MINDY2: variants seen among roughly 807,000 people sequenced by gnomAD.
The protein encoded by MINDY2 is ubiquitin carboxyl-terminal hydrolase MINDY-2.
A neutral mutation model predicts 68.2 loss-of-function variants in MINDY2; 52 were observed. The observed-to-expected ratio is 0.76, with a 90% confidence interval of 0.61 to 0.96. MINDY2 has a LOEUF of 0.96. Ranked by LOEUF, MINDY2 falls within the 40% of genes least tolerant of loss-of-function variation. MINDY2 has a pLI of 0.00. For missense variants in MINDY2, 881 were observed against 773.4 expected, an observed-to-expected ratio of 1.14 and a Z score of -1.65; for synonymous variants, 372 against 303.0, an observed-to-expected ratio of 1.23 and a Z score of -2.36.
At chr15:58,811,979 A>G (rs1316116070) in intron 4 of MINDY2, among the ~76,000 whole-genome samples, 1 of 152,238 alleles carries the variant, frequency 6.6e-6, no homozygotes, top group Non-Finnish European at 1.5e-5. Flanking sequence ...ATTTCAAAAT[A>G]ATATTAGTTA....
At chr15:58,795,940 G>A (rs761158466) in intron 2 of MINDY2, 6 of 360,976 alleles carry the variant, frequency 1.7e-5, no homozygotes, top group Non-Finnish European at 3.3e-5. Flanking sequence ...ATGAAGTCAA[G>A]AGAGGGTGAA....
At chr15:58,783,109 CG>C in intron 1 of MINDY2, among the ~76,000 whole-genome samples, 1 of 151,620 alleles carries the variant, frequency 6.6e-6, no homozygotes, top group East Asian at 1.9e-4. Flanking sequence ...TTAGTAGAGA[CG>C]GGATTTCACC....
intron 7 of MINDY2, among the ~76,000 whole-genome samples, chr15:58,849,093 C>T (rs1359075636): frequency 6.6e-6 from 1 of 151,872 alleles, no homozygotes. Context: ...ACCTGTAACC[C>T]CAACTACTCG....
At position 58,787,996 on chromosome 15, in the gene MINDY2, T is replaced by G. The variant is rs372947751; in HGVS notation, c.898+33T>G. On this transcript the variant is annotated intron_variant, in intron 2 of 8. Transcript: ENST00000559228. The stretch of plus-strand genomic sequence containing the variant: ...TTGAAAAGTGGATTTTATATCTCTT[T>G]CAAAACAAAAGTTTTCAAAGCTAGT... The G allele has an allele frequency of 8.0e-5, 120 of 1,504,174 alleles. 1 individual carries two copies. In the African/African-American group the frequency reaches 1.3e-3, roughly 16 times the overall value. The allele number at this position is 1,504,174 out of a possible 1,614,324, so 93.2% of individuals were successfully genotyped here. A position where few individuals can be genotyped will look rare whatever the true frequency, so the allele number is the denominator to read the frequency against.
At chr15:58,814,389 G>A (rs377031195) in intron 4 of MINDY2, among the ~76,000 whole-genome samples, 1 of 149,186 alleles carries the variant, frequency 6.7e-6, no homozygotes, top group Non-Finnish European at 1.5e-5. Context: ...TTTGTTTTTG[G>A]TTTTGTTTTT....
rs1222253432 is a variant in MINDY2, at chr15:58,856,240, C to T, written c.*1630C>T. ...TTTATTTAAGAGCATCATAATCTGA[C>T]CTGAGCATCCACTTGGAGAGTGTTT... On this transcript the variant is annotated 3_prime_UTR_variant, in exon 9 of 9. Coordinates refer to ENST00000559228, the MANE Select transcript of MINDY2 (RefSeq NM_001040450.3). 6.6e-5 allele frequency: 10 copies of T among 152,552 alleles called. No individual in the cohort carries two copies. Among genetic ancestry groups the T allele is most frequent in the South Asian group, 4.1e-4 (2 of 4,822 alleles). The allele number at this position is 152,552 out of a possible 1,614,324, so 9.4% of individuals were successfully genotyped here.
chr15:58,810,270 C>T lies in MINDY2; in HGVS notation c.1004C>T (p.Thr335Ile), dbSNP rs1169761376. 1.9e-6 allele frequency: 3 copies of T among 1,613,200 alleles called. No homozygotes were observed. The highest frequency in any genetic ancestry group is 1.7e-6 in the Non-Finnish European group (2 of 1,179,756). ...DAMAILHKLQ[T>I]GLDVNVRFTG... ...ATGGCAATTTTGCACAAACTACAGA[C>T]AGGCCTGGATGTAAATGTAAGATTC... The change falls in exon 4 of 9, where the codon ACA (threonine) becomes ATA (isoleucine). Residue 335 changes from threonine (T) to isoleucine (I), a missense_variant. Coordinates refer to ENST00000559228, the MANE Select transcript of MINDY2 (RefSeq NM_001040450.3).
At chr15:58,778,698 C>T (rs576932910) in intron 1 of MINDY2, among the ~76,000 whole-genome samples, 7 of 151,772 alleles carry the variant, frequency 4.6e-5, no homozygotes, top group Non-Finnish European at 8.8e-5. Flanking sequence ...GCAATCATGG[C>T]TCCGAATAGC....
At chr15:58,853,968 A>G (rs1050735638) in intron 8 of MINDY2, among the ~76,000 whole-genome samples, 14 of 152,098 alleles carry the variant, frequency 9.2e-5, no homozygotes, top group African/African-American at 3.4e-4. Flanking sequence ...AGGCAATATA[A>G]TCTTACGTTA....
intron 2 of MINDY2, among the ~76,000 whole-genome samples, chr15:58,791,658 G>GTGTGTA: frequency 7.0e-6 from 1 of 141,856 alleles, no homozygotes; most frequent in East Asian, 1.9e-4. Context: ...GTGTGTGTGT[G>GTGTGTA]TGTATGTGTG....
chr15:58,795,419 T>G (rs1595718861), intron 2 of MINDY2, among the ~76,000 whole-genome samples: 2 of 152,098 alleles, frequency 1.3e-5, no homozygotes, highest in East Asian at 1.9e-4. Context: ...TTTGTTTTGT[T>G]TTTTGAGACG....
rs190878657 is a variant in MINDY2, at chr15:58,836,218, C to G, written c.1368+4302C>G. 2.9e-4 allele frequency among the ~76,000 whole-genome samples: 44 copies of G among 151,640 alleles called. No homozygotes were observed. The East Asian group carries it at 7.0e-3, about 24-fold the overall frequency. ...AGCGACCGCACCCGGCCTATTGCAT[C>G]TCAAAATTAACTATAATTCTTTTTT... On this transcript the variant is annotated intron_variant, in intron 6 of 8. Transcript: ENST00000559228.
At position 58,821,837 on chromosome 15, in the gene MINDY2, T is replaced by C; in HGVS notation, c.1225+18T>C. On this transcript the variant is annotated intron_variant, in intron 5 of 8. Coordinates refer to ENST00000559228, the MANE Select transcript of MINDY2 (RefSeq NM_001040450.3). ...TAGTGAAGGTGGGTGAGTGCTGCTA[T>C]TTCCTGACTTTTGAAATTCTTGGCA... 6.6e-7 allele frequency: 1 copy of C among 1,505,386 alleles called. No individual in the cohort carries two copies. Among genetic ancestry groups the C allele is most frequent in the East Asian group, 2.4e-5 (1 of 41,320 alleles). The allele number at this position is 1,505,386 out of a possible 1,614,324, so 93.3% of individuals were successfully genotyped here. A position where few individuals can be genotyped will look rare whatever the true frequency, so the allele number is the denominator to read the frequency against.
At position 58,807,205 on chromosome 15, in the gene MINDY2, C is replaced by G. The variant is rs1903075459; in HGVS notation, c.964-3025C>G. Among the ~76,000 whole-genome samples the G allele has an allele frequency of 2.0e-5, 3 of 151,962 alleles. No individual in the cohort carries two copies. In the South Asian group the frequency reaches 6.2e-4, roughly 32 times the overall value. ...TGTTCTTATTTTGTGTCTTTAGTAT[C>G]TTGTACAGTGTCTGATTAGCAGTAG... On this transcript the variant is annotated intron_variant, in intron 3 of 8. Transcript: ENST00000559228.
chr15:58,808,837 C>T (rs901691434), intron 3 of MINDY2, among the ~76,000 whole-genome samples: 25 of 152,308 alleles, frequency 1.6e-4, no homozygotes, highest in Middle Eastern at 3.4e-3. Context: ...ATCTCCTGAC[C>T]TCGTGATCCA....
intron 2 of MINDY2, among the ~76,000 whole-genome samples, chr15:58,798,757 T>C (rs1242460582): frequency 5.3e-5 from 8 of 152,128 alleles, no homozygotes; most frequent in Non-Finnish European, 1.2e-4. Context: ...CGCCCAGCAA[T>C]CCAGTAAATA....
At chr15:58,822,953 AAACT>A (rs1457091492) in intron 5 of MINDY2, among the ~76,000 whole-genome samples, 1 of 152,206 alleles carries the variant, frequency 6.6e-6, no homozygotes, top group Non-Finnish European at 1.5e-5. Context: ...TTAAGAATTA[AAACT>A]AACGACTACA....
chr15:58,798,841 T>G (rs952645901), intron 2 of MINDY2, among the ~76,000 whole-genome samples: 1 of 152,192 alleles, frequency 6.6e-6, no homozygotes, highest in East Asian at 1.9e-4. Flanking sequence ...GTAAGTATAC[T>G]CTAACCACGA....
chr15:58,844,007 ATTCTATAT>A (rs1372162227), intron 6 of MINDY2, among the ~76,000 whole-genome samples: 1 of 102,606 alleles, frequency 9.7e-6, no homozygotes, highest in East Asian at 4.6e-4. Context: ...ATTAAAACCT[ATTCTATAT>A]TATTATTTAT....
Sources: gnomAD v4.1 joint callset for allele counts (sites outside exome capture counted in the v4.1 genomes callset) on GRCh38, gnomAD v4.1.1 for gene constraint, MANE v1.5 for transcripts, NCBI Gene and HGNC (gene_info 2026-07-23, HGNC 2026-07-21) for gene names.